The following CDH13 variants were observed in gnomAD, a reference collection of about 807,000 sequenced individuals.
The protein encoded by CDH13 is cadherin 13, also known as cadherin-13.
In CDH13, 24 loss-of-function variants were observed where a neutral mutation model predicts 63.8. The ratio of observed to expected loss-of-function variants is 0.38; its 90% CI spans 0.27 to 0.53. The LOEUF (loss-of-function observed/expected upper bound fraction) is 0.53, where lower values mean the gene tolerates loss of function less well. Among genes scored for constraint, CDH13 ranks in the 20% least tolerant of loss-of-function variants. The pLI is 0.85. For missense variants in CDH13, 1,049 were observed against 903.1 expected (o/e 1.16, Z -2.07); for synonymous variants, 503 against 355.3 (o/e 1.42, Z -4.67).
At chr16:83,728,166 G>A (rs3784965) in intron 10 of CDH13, among the ~76,000 whole-genome samples, 10,482 of 152,146 alleles carry the variant, frequency 0.069, 930 homozygotes, top group African/African-American at 0.2. Context: ...CACACACCAC[G>A]TCTCTGTCTC....
chr16:83,753,688 C>T (rs1056968737), intron 11 of CDH13, among the ~76,000 whole-genome samples: 3 of 151,990 alleles, frequency 2.0e-5, no homozygotes, highest in African/African-American at 7.3e-5. Flanking sequence ...AAAGCTGAAC[C>T]AAAATAAATT....
At chr16:83,404,304 A>G (rs2092010243) in intron 6 of CDH13, among the ~76,000 whole-genome samples, 1 of 152,236 alleles carries the variant, frequency 6.6e-6, no homozygotes, top group Non-Finnish European at 1.5e-5. Context: ...ACTTCTCAGT[A>G]CAGCCTTCAA....
At chr16:83,768,932 G>A (rs111340579) in intron 11 of CDH13, among the ~76,000 whole-genome samples, 50 of 152,186 alleles carry the variant, frequency 3.3e-4, no homozygotes, top group Middle Eastern at 6.8e-3. Flanking sequence ...TGCCTTAACC[G>A]TCTGGGAATG....
intron 10 of CDH13, among the ~76,000 whole-genome samples, chr16:83,711,174 G>A (rs745997096): frequency 5.3e-5 from 8 of 152,152 alleles, no homozygotes; most frequent in Non-Finnish European, 1.0e-4. Flanking sequence ...TCAGATGCAG[G>A]GAGATTTTGA....
intron 11 of CDH13, among the ~76,000 whole-genome samples, chr16:83,769,498 T>A (rs969142610): frequency 2.0e-5 from 3 of 152,208 alleles, no homozygotes; most frequent in Non-Finnish European, 2.9e-5. Flanking sequence ...CTGCTTTAAG[T>A]GTGCTGCTTC....
chr16:83,520,802 G>A (rs1230950822), intron 7 of CDH13, among the ~76,000 whole-genome samples: 1 of 152,026 alleles, frequency 6.6e-6, no homozygotes, highest in Non-Finnish European at 1.5e-5. Flanking sequence ...GAGTGCTGAG[G>A]GACACCAGCC....
chr16:82,730,847 T>G (rs1252065575), intron 1 of CDH13, among the ~76,000 whole-genome samples: 2 of 152,228 alleles, frequency 1.3e-5, no homozygotes, highest in Admixed American at 1.3e-4. Flanking sequence ...TTTTCATGAA[T>G]TTTTCAAATG....
At chr16:83,202,173 C>T (rs1022037959) in intron 4 of CDH13, among the ~76,000 whole-genome samples, 4 of 152,208 alleles carry the variant, frequency 2.6e-5, no homozygotes, top group African/African-American at 4.8e-5. Flanking sequence ...CCCAGGCTTC[C>T]GAAAGAAATG....
chr16:82,848,053 G>C (rs545860184), intron 1 of CDH13, among the ~76,000 whole-genome samples: 1 of 152,182 alleles, frequency 6.6e-6, no homozygotes, highest in Non-Finnish European at 1.5e-5. Context: ...AGATTAAATA[G>C]TCTTTGGTAT....
intron 3 of CDH13, among the ~76,000 whole-genome samples, chr16:83,071,629 T>C (rs2032445365): frequency 6.6e-6 from 1 of 152,212 alleles, no homozygotes; most frequent in African/African-American, 2.4e-5. Context: ...ATTCATGAAG[T>C]TGGCTTTCAG....
intron 1 of CDH13, among the ~76,000 whole-genome samples, chr16:82,697,948 T>C (rs1433830364): frequency 6.6e-6 from 1 of 152,158 alleles, no homozygotes; most frequent in Non-Finnish European, 1.5e-5. Flanking sequence ...GACTGGAGGA[T>C]GTAATCTACC....
chr16:83,086,404 C>T (rs967828819), intron 3 of CDH13, among the ~76,000 whole-genome samples: 2 of 152,090 alleles, frequency 1.3e-5, no homozygotes, highest in Non-Finnish European at 2.9e-5. Context: ...GGGGATAATT[C>T]CTTCCACTGG....
At chr16:82,859,828 T>G (rs1331347344) in intron 2 of CDH13, 3 of 152,172 alleles carry the variant, frequency 2.0e-5, no homozygotes, top group Non-Finnish European at 4.4e-5. Context: ...AGATGCACTG[T>G]TGAGCATCAA....
chr16:83,109,678 A>C lies in CDH13; in HGVS notation c.367-15707A>C, dbSNP rs149234540. Among the ~76,000 whole-genome samples the C allele has an allele frequency of 4.3e-3, 654 of 152,294 alleles. 8 individuals are homozygous for C. The highest frequency in any genetic ancestry group is 0.015 in the African/African-American group (616 of 41,560). ...AAATTAACACAGCTGTGGAGGCAGG[A>C]GTACATATGTGTATTAGAAAAACAA... is the stretch of plus-strand genomic sequence containing the variant. On this transcript the variant is annotated intron_variant, in intron 3 of 13. Transcript: ENST00000567109.
intron 6 of CDH13, among the ~76,000 whole-genome samples, chr16:83,392,011 G>A (rs1035677420): frequency 2.6e-5 from 4 of 152,052 alleles, no homozygotes; most frequent in Admixed American, 6.6e-5. Context: ...TCCATGCATC[G>A]CGGGGTGTCT....
intron 2 of CDH13, among the ~76,000 whole-genome samples, chr16:82,967,801 T>A (rs985496325): frequency 2.0e-5 from 3 of 152,230 alleles, no homozygotes; most frequent in African/African-American, 7.2e-5. Flanking sequence ...GACATTAACT[T>A]GGACCACTTA....
At chr16:83,433,976 TC>T (rs1174563526) in intron 6 of CDH13, among the ~76,000 whole-genome samples, 2 of 152,204 alleles carry the variant, frequency 1.3e-5, no homozygotes, top group Non-Finnish European at 2.9e-5. Flanking sequence ...TACTTATTTT[TC>T]TTTCCTTTCT....
At chr16:82,687,106 A>C (rs573851871) in intron 1 of CDH13, among the ~76,000 whole-genome samples, 3 of 152,338 alleles carry the variant, frequency 2.0e-5, no homozygotes, top group Admixed American at 6.5e-5. Flanking sequence ...CATTACGTTT[A>C]GGATTTCAGG....
At chr16:83,252,031 G>C (rs1354112903) in intron 5 of CDH13, among the ~76,000 whole-genome samples, 1 of 150,232 alleles carries the variant, frequency 6.7e-6, no homozygotes, top group Non-Finnish European at 1.5e-5. Context: ...TAAGCTCCGA[G>C]ATTATCCCAG....
Sources: allele counts gnomAD v4.1 joint callset (sites outside exome capture counted in the v4.1 genomes callset), GRCh38; gene constraint gnomAD v4.1.1; transcripts MANE v1.5; gene names NCBI Gene and HGNC (gene_info 2026-07-23, HGNC 2026-07-21).